Variants in FBXO28 observed in about 807,000 individuals in gnomAD.
The protein encoded by FBXO28 is F-box protein 28.
In FBXO28, 8 loss-of-function variants were observed where a neutral mutation model predicts 38.1. The observed-to-expected ratio is 0.21, with a 90% CI of 0.12 to 0.38. The LOEUF is 0.38. FBXO28 is among the 10% of genes least tolerant of loss of function. The probability of loss-of-function intolerance (pLI) is 1.00; values close to 1 mark genes in which losing one functional copy is unlikely to be tolerated. For synonymous variants in FBXO28, 168 were observed against 173.8 expected, an observed-to-expected ratio of 0.97 and a Z score of 0.26; for missense variants, 345 against 460.6, an observed-to-expected ratio of 0.75 and a Z score of 2.30.
Position 224,157,371 on chromosome 1 carries a change from C to G in FBXO28, c.732C>G (p.Ala244=). Residue 244 remains alanine (A), a synonymous_variant, in exon 5 of 5, where the codon GCC becomes GCG. Transcript: ENST00000366862. The stretch of plus-strand genomic sequence containing the variant: ...CCACAGTTCCAGGACCGTCTGCAGC[C>G]CTAACAACAATGCAGCTCTTCTCCA... ...GSPPVPGPSA[A]LTTMQLFSKQ... The G allele has an allele frequency of 6.2e-7, 1 of 1,611,858 alleles. No homozygotes were observed. Among genetic ancestry groups the G allele is most frequent in the Non-Finnish European group, 8.5e-7 (1 of 1,178,802 alleles).
intron 1 of FBXO28, among the ~76,000 whole-genome samples, chr1:224,130,132 A>T (rs775221770): frequency 9.2e-5 from 14 of 152,222 alleles, no homozygotes; most frequent in Non-Finnish European, 2.1e-4. Context: ...ACTTGAGGTC[A>T]GAAGTTTGAG....
intron 3 of FBXO28, among the ~76,000 whole-genome samples, chr1:224,146,310 T>A (rs561377858): frequency 1.7e-4 from 26 of 151,956 alleles, no homozygotes; most frequent in African/African-American, 2.4e-4. Flanking sequence ...GAAATTTTTT[T>A]AAAAAATAAA....
intron 3 of FBXO28, among the ~76,000 whole-genome samples, chr1:224,137,520 T>G (rs1171884440): frequency 6.6e-6 from 1 of 150,636 alleles, no homozygotes; most frequent in Non-Finnish European, 1.5e-5. Flanking sequence ...AGACTCTGTC[T>G]CAGCAAAAAA....
intron 1 of FBXO28, among the ~76,000 whole-genome samples, chr1:224,118,184 C>T (rs1656689309): frequency 6.6e-6 from 1 of 151,894 alleles, no homozygotes; most frequent in African/African-American, 2.4e-5. Context: ...CTCCTAGGCT[C>T]AAGTGGTCCG....
At chr1:224,150,744 T>TA (rs1358122641) in intron 3 of FBXO28, among the ~76,000 whole-genome samples, 6 of 152,136 alleles carry the variant, frequency 3.9e-5, no homozygotes, top group African/African-American at 7.2e-5. Context: ...AGTCTTACCT[T>TA]ACAAATGGCA....
At chr1:224,151,331 A>T (rs1011604025) in intron 3 of FBXO28, among the ~76,000 whole-genome samples, 8 of 152,120 alleles carry the variant, frequency 5.3e-5, no homozygotes, top group South Asian at 2.1e-4. Flanking sequence ...TTTCCTGTTC[A>T]GTTCTCCAAG....
At chr1:224,120,542 C>T (rs1332454124) in intron 1 of FBXO28, among the ~76,000 whole-genome samples, 1 of 152,200 alleles carries the variant, frequency 6.6e-6, no homozygotes, top group Non-Finnish European at 1.5e-5. Flanking sequence ...AACCATTTCA[C>T]TGCTCTGAAT....
At position 224,140,106 on chromosome 1, in the gene FBXO28, A is replaced by G. The variant is rs576441119; in HGVS notation, c.516+5894A>G. ...ATCTTGTCTCAAGAAAATAAAATAT[A>G]AATACTTTTTTTTCCTGAACCACTT... On this transcript the variant is annotated intron_variant, in intron 3 of 4. Coordinates refer to ENST00000366862, the MANE Select transcript of FBXO28 (RefSeq NM_015176.4). Among the ~76,000 whole-genome samples, 4 of 152,118 alleles carry G rather than the reference A, an allele frequency of 2.6e-5. No individual in the cohort carries two copies. In the South Asian group the frequency reaches 8.3e-4, roughly 31 times the overall value.
intron 1 of FBXO28, among the ~76,000 whole-genome samples, chr1:224,127,841 A>T (rs1656941065): frequency 6.6e-6 from 1 of 152,178 alleles, no homozygotes; most frequent in African/African-American, 2.4e-5. Flanking sequence ...TGGTAGAGGG[A>T]GGTTGCAGTG....
intron 3 of FBXO28, among the ~76,000 whole-genome samples, chr1:224,139,937 A>C (rs1163839150): frequency 1.3e-5 from 2 of 151,970 alleles, no homozygotes; most frequent in Admixed American, 1.3e-4. Flanking sequence ...TAAAAAAAAA[A>C]TTAATTAGCT....
chr1:224,121,351 T>G (rs1656767421), intron 1 of FBXO28, among the ~76,000 whole-genome samples: 1 of 152,250 alleles, frequency 6.6e-6, no homozygotes, highest in African/African-American at 2.4e-5. Flanking sequence ...ATTTATATTT[T>G]CTTTCCAAGT....
At chr1:224,141,483 A>AT (rs1657348421) in intron 3 of FBXO28, among the ~76,000 whole-genome samples, 1 of 152,112 alleles carries the variant, frequency 6.6e-6, no homozygotes, top group Non-Finnish European at 1.5e-5. Flanking sequence ...AAAAAAAAAA[A>AT]AAAGATGCAA....
At chr1:224,135,263 T>C (rs1228707416) in intron 3 of FBXO28, among the ~76,000 whole-genome samples, 1 of 152,174 alleles carries the variant, frequency 6.6e-6, no homozygotes, top group East Asian at 1.9e-4. Context: ...CTTTTAAGTG[T>C]TCCTGAGTTC....
Position 224,157,915 on chromosome 1 carries a change from T to C in FBXO28, c.*169T>C. On this transcript the variant is annotated 3_prime_UTR_variant, in exon 5 of 5. Transcript: ENST00000366862. ...GACATTCTTTTCCTGCTTCTCCTGA[T>C]TGAACTGATGCACAGAATCTTTTTA... The C allele has an allele frequency of 3.5e-6, 5 of 1,417,590 alleles. No individual in the cohort carries two copies. The South Asian group carries it at 8.1e-5, about 23-fold the overall frequency. The allele number at this position is 1,417,590 out of a possible 1,614,324, so 87.8% of individuals were successfully genotyped here. A position where few individuals can be genotyped will look rare whatever the true frequency, so the allele number is the denominator to read the frequency against.
chr1:224,122,276 T>C (rs1656797116), intron 1 of FBXO28, among the ~76,000 whole-genome samples: 1 of 152,236 alleles, frequency 6.6e-6, no homozygotes, highest in South Asian at 2.1e-4. Context: ...ATTTGCTTTA[T>C]CTGTTTCACT....
At chr1:224,131,433 C>CTATAG (rs913759363) in intron 2 of FBXO28, among the ~76,000 whole-genome samples, 3 of 152,070 alleles carry the variant, frequency 2.0e-5, no homozygotes, top group Admixed American at 6.6e-5. Context: ...TAGTACAGAG[C>CTATAG]TATAGTAATC....
Position 224,158,694 on chromosome 1 carries a change from A to G in FBXO28, c.*948A>G, listed in dbSNP as rs368478903. On this transcript the variant is annotated 3_prime_UTR_variant, in exon 5 of 5. Transcript: ENST00000366862. ...CCAAATTTCAAGGCTCTTTCTATCA[A>G]TATTGGACCTCTGGGAGCTAATACT... 4.2e-4 allele frequency: 64 copies of G among 152,268 alleles called. No homozygotes were observed. In the East Asian group the frequency reaches 9.3e-3, roughly 22 times the overall value. The allele number at this position is 152,268 out of a possible 1,614,324, so 9.4% of individuals were successfully genotyped here.
rs1657120260 is a variant in FBXO28, at chr1:224,134,067, A to G, written c.378-7A>G. The G allele has an allele frequency of 6.7e-7, 1 of 1,492,246 alleles. No individual in the cohort carries two copies. The allele number at this position is 1,492,246 out of a possible 1,614,324, so 92.4% of individuals were successfully genotyped here. A position where few individuals can be genotyped will look rare whatever the true frequency, so the allele number is the denominator to read the frequency against. On this transcript the variant is annotated splice_polypyrimidine_tract_variant and splice_region_variant and intron_variant, in intron 2 of 4. Transcript: ENST00000366862. ...TTGCCTTGCTTTTATTATTATTATTATTATAGGAGAGAGTCAGAAAGGAGA... is the reference window on the plus strand; with the variant it reads ...TTGCCTTGCTTTTATTATTATTATTGTTATAGGAGAGAGTCAGAAAGGAGA...
intron 3 of FBXO28, among the ~76,000 whole-genome samples, chr1:224,135,798 AG>A (rs1029175656): frequency 6.6e-5 from 10 of 152,038 alleles, no homozygotes; most frequent in Non-Finnish European, 1.3e-4. Context: ...ACACTTTGGG[AG>A]GCCGAGACGG....
Sources: gnomAD v4.1 joint callset for allele counts (sites outside exome capture counted in the v4.1 genomes callset) on GRCh38, gnomAD v4.1.1 for gene constraint, MANE v1.5 for transcripts, NCBI Gene and HGNC (gene_info 2026-07-23, HGNC 2026-07-21) for gene names.